FBXL17: variants seen among roughly 807,000 people sequenced by gnomAD.
The protein encoded by FBXL17 is F-box and leucine rich repeat protein 17.
FBXL17 carries 22 observed loss-of-function variants against 66.2 expected under a neutral mutation model. The ratio of observed to expected loss-of-function variants is 0.33; its 90% confidence interval spans 0.24 to 0.47. The LOEUF (loss-of-function observed/expected upper bound fraction) is 0.47. Among genes scored for constraint, FBXL17 ranks in the 20% least tolerant of loss-of-function variants. The pLI is 1.00. For synonymous variants in FBXL17, 474 were observed against 400.5 expected (o/e 1.18, Z -2.19); for missense variants, 878 against 948.2 (o/e 0.93, Z 0.97).
chr5:108,217,690 A>G (rs777219344), intron 5 of FBXL17, among the ~76,000 whole-genome samples: 12 of 152,300 alleles, frequency 7.9e-5, no homozygotes, highest in Non-Finnish European at 1.2e-4. Context: ...TCTATAGTCT[A>G]TAGTCTATGA....
rs575596001 is a variant in FBXL17 at position 108,087,451 on chromosome 5, T to A, written c.1746-66450A>T. On this transcript the variant is annotated intron_variant, in intron 6 of 8. Transcript: ENST00000542267. ...TCCATGTCAACCCAAAGCAGGACACTCCAACAGGGAATATATGCTTGAGGG... is the reference window on the plus strand; with the variant it reads ...TCCATGTCAACCCAAAGCAGGACACACCAACAGGGAATATATGCTTGAGGG... Among the ~76,000 whole-genome samples the A allele has an allele frequency of 1.4e-3, 219 of 152,004 alleles. 1 individual carries two copies. Among genetic ancestry groups the A allele is most frequent in the Non-Finnish European group, 2.1e-3 (143 of 67,992 alleles).
intron 7 of FBXL17, among the ~76,000 whole-genome samples, chr5:108,018,859 G>A (rs1420796631): frequency 2.0e-5 from 3 of 152,068 alleles, no homozygotes; most frequent in African/African-American, 7.2e-5. Context: ...GACTGGTTGG[G>A]CCCCATTTCA....
chr5:108,169,186 C>G (rs970192103), intron 6 of FBXL17, among the ~76,000 whole-genome samples: 1 of 152,108 alleles, frequency 6.6e-6, no homozygotes, highest in African/African-American at 2.4e-5. Flanking sequence ...AAAAAAGCTC[C>G]TCTATAACAT....
intron 4 of FBXL17, among the ~76,000 whole-genome samples, chr5:108,242,931 A>G (rs1755926567): frequency 6.6e-6 from 1 of 152,226 alleles, no homozygotes; most frequent in African/African-American, 2.4e-5. Flanking sequence ...TTAAAATTTT[A>G]CCACAGCTTT....
chr5:108,047,574 C>T (rs1747304950), intron 6 of FBXL17, among the ~76,000 whole-genome samples: 1 of 152,194 alleles, frequency 6.6e-6, no homozygotes, highest in African/African-American at 2.4e-5. Flanking sequence ...GCATCCATCT[C>T]TGTAGCTCCA....
intron 4 of FBXL17, among the ~76,000 whole-genome samples, chr5:108,302,616 T>C (rs1468189096): frequency 2.6e-5 from 4 of 151,812 alleles, no homozygotes; most frequent in South Asian, 2.1e-4. Flanking sequence ...CTTAACCTAA[T>C]TGAACTGTTA....
chr5:107,867,265 G>C (rs1171872494), intron 8 of FBXL17, among the ~76,000 whole-genome samples: 1 of 152,128 alleles, frequency 6.6e-6, no homozygotes, highest in Non-Finnish European at 1.5e-5. Context: ...ATCTTCCCTA[G>C]AGTTTCTAAT....
At chr5:108,355,911 G>A (rs370186434) in intron 3 of FBXL17, among the ~76,000 whole-genome samples, 19 of 152,136 alleles carry the variant, frequency 1.2e-4, no homozygotes, top group Admixed American at 4.6e-4. Context: ...AACATCAGTG[G>A]TCTAAAAACA....
intron 6 of FBXL17, among the ~76,000 whole-genome samples, chr5:108,048,924 C>A (rs1043754786): frequency 5.3e-5 from 8 of 152,226 alleles, no homozygotes; most frequent in African/African-American, 1.9e-4. Context: ...CCTAGCAAGA[C>A]AGGCCAACAT....
intron 6 of FBXL17, among the ~76,000 whole-genome samples, chr5:108,042,290 A>G (rs2112805851): frequency 6.6e-6 from 1 of 152,236 alleles, no homozygotes; most frequent in East Asian, 1.9e-4. Flanking sequence ...CCCAGTTTCC[A>G]CCATCTTGCA....
At chr5:108,258,849 C>T (rs995689977) in intron 4 of FBXL17, among the ~76,000 whole-genome samples, 1 of 149,404 alleles carries the variant, frequency 6.7e-6, no homozygotes, top group African/African-American at 2.5e-5. Context: ...TGATAACACA[C>T]AGAGAATTTA....
At chr5:108,010,099 T>A (rs893555393) in intron 7 of FBXL17, among the ~76,000 whole-genome samples, 1 of 152,182 alleles carries the variant, frequency 6.6e-6, no homozygotes, top group Non-Finnish European at 1.5e-5. Flanking sequence ...AAAATTAATC[T>A]ACTGAGAGTC....
At chr5:108,157,424 A>G (rs1156866332) in intron 6 of FBXL17, among the ~76,000 whole-genome samples, 1 of 151,996 alleles carries the variant, frequency 6.6e-6, no homozygotes, top group Non-Finnish European at 1.5e-5. Flanking sequence ...ATGTCAAGGT[A>G]TCTCTTACAG....
chr5:107,960,367 T>G (rs75412163), intron 7 of FBXL17, among the ~76,000 whole-genome samples: 1,982 of 152,294 alleles, frequency 0.013, 44 homozygotes, highest in African/African-American at 0.044. Context: ...ACATTATTAC[T>G]AACCATATTC....
intron 7 of FBXL17, among the ~76,000 whole-genome samples, chr5:107,903,708 C>T (rs778540064): frequency 4.1e-5 from 6 of 146,642 alleles, no homozygotes; most frequent in East Asian, 2.0e-4. Context: ...TCTTTAACTA[C>T]GGGAGATTTA....
intron 7 of FBXL17, among the ~76,000 whole-genome samples, chr5:107,952,121 AC>A (rs1751517627): frequency 6.8e-6 from 1 of 147,858 alleles, no homozygotes; most frequent in South Asian, 2.2e-4. Context: ...TAAAAAAAAA[AC>A]TCCTTTAGTC....
intron 7 of FBXL17, among the ~76,000 whole-genome samples, chr5:107,953,352 G>A (rs139510134): frequency 0.048 from 6,610 of 138,528 alleles, 446 homozygotes; most frequent in East Asian, 0.32. Context: ...GCAGTGAGCC[G>A]AGATCTCACC....
At chr5:107,922,271 T>C (rs1173121617) in intron 7 of FBXL17, among the ~76,000 whole-genome samples, 1 of 152,188 alleles carries the variant, frequency 6.6e-6, no homozygotes, top group Non-Finnish European at 1.5e-5. Flanking sequence ...ATCAATGTCC[T>C]AGGGCACAGA....
chr5:108,085,176 G>A (rs1457486505), intron 6 of FBXL17, among the ~76,000 whole-genome samples: 3 of 152,160 alleles, frequency 2.0e-5, no homozygotes, highest in African/African-American at 4.8e-5. Flanking sequence ...CCAACTGTAC[G>A]ACAGCTTTAG....
Sources: allele counts gnomAD v4.1 joint callset (sites outside exome capture counted in the v4.1 genomes callset), GRCh38; gene constraint gnomAD v4.1.1; transcripts MANE v1.5; gene names NCBI Gene and HGNC (gene_info 2026-07-23, HGNC 2026-07-21).